The following SND1 variants were observed in gnomAD, a reference collection of about 807,000 sequenced individuals.
SND1 encodes staphylococcal nuclease domain-containing protein 1.
SND1 carries 38 observed loss-of-function variants against 121.7 expected under a neutral mutation model. The observed-to-expected ratio is 0.31, with a 90% CI of 0.24 to 0.41. SND1 has a LOEUF of 0.41. SND1 is among the 10% of genes least tolerant of loss of function. The probability of loss-of-function intolerance (pLI) is 1.00; values close to 1 mark genes in which losing one functional copy is unlikely to be tolerated. For missense variants in SND1, 868 were observed against 1,184.6 expected, an observed-to-expected ratio of 0.73 and a Z score of 3.92; for synonymous variants, 401 against 447.4, an observed-to-expected ratio of 0.90 and a Z score of 1.31.
At chr7:127,672,407 C>T (rs552297222) in intron 1 of SND1, among the ~76,000 whole-genome samples, 4 of 151,852 alleles carry the variant, frequency 2.6e-5, no homozygotes, top group East Asian at 3.9e-4. Context: ...GTCAGGAGTT[C>T]GAGACCAACC....
chr7:127,846,382 C>T (rs1359964259), intron 12 of SND1, among the ~76,000 whole-genome samples: 2 of 152,028 alleles, frequency 1.3e-5, no homozygotes, highest in Non-Finnish European at 2.9e-5. Context: ...CTGGCAGGTA[C>T]CTGGAAAGCA....
chr7:128,088,446 CTTTTTTTTTTT>C (rs1047161140), intron 21 of SND1, among the ~76,000 whole-genome samples: 1 of 80,112 alleles, frequency 1.2e-5, no homozygotes, highest in Non-Finnish European at 2.3e-5. Context: ...CCCTATCTCT[CTTTTTTTTTTT>C]TTTTTTTTTT....
At chr7:127,678,064 C>T (rs1795645549) in intron 1 of SND1, among the ~76,000 whole-genome samples, 1 of 152,162 alleles carries the variant, frequency 6.6e-6, no homozygotes, top group African/African-American at 2.4e-5. Context: ...TCTACTGGCA[C>T]ATATAAACAG....
At chr7:127,712,886 C>G (rs1048258130) in intron 9 of SND1, among the ~76,000 whole-genome samples, 1 of 152,120 alleles carries the variant, frequency 6.6e-6, no homozygotes, top group Non-Finnish European at 1.5e-5. Context: ...TGACCAGTCT[C>G]TAATAGGTTT....
chr7:127,817,274 G>C (rs1798461355), intron 11 of SND1, among the ~76,000 whole-genome samples: 2 of 152,176 alleles, frequency 1.3e-5, no homozygotes, highest in Admixed American at 1.3e-4. Context: ...ACTGATTGTG[G>C]TTATCTTTCA....
chr7:127,797,053 G>T (rs552571485), intron 10 of SND1, among the ~76,000 whole-genome samples: 1 of 151,914 alleles, frequency 6.6e-6, no homozygotes, highest in Admixed American at 6.6e-5. Context: ...CCACCATGCT[G>T]GGCTAATTTT....
chr7:128,039,966 C>T (rs1584756512), intron 16 of SND1, among the ~76,000 whole-genome samples: 1 of 152,272 alleles, frequency 6.6e-6, no homozygotes, highest in East Asian at 1.9e-4. Flanking sequence ...ATAGCACAGT[C>T]GGCGGGTACC....
At chr7:127,700,863 T>C (rs1420505876) in intron 4 of SND1, among the ~76,000 whole-genome samples, 1 of 152,230 alleles carries the variant, frequency 6.6e-6, no homozygotes, top group Non-Finnish European at 1.5e-5. Context: ...GGAGCAACTC[T>C]GAGCCACTAA....
At chr7:127,899,335 C>A (rs1250631755) in intron 13 of SND1, among the ~76,000 whole-genome samples, 1 of 151,816 alleles carries the variant, frequency 6.6e-6, no homozygotes, top group Non-Finnish European at 1.5e-5. Context: ...CACCTAGGAC[C>A]CCAGGTTAAA....
intron 15 of SND1, among the ~76,000 whole-genome samples, chr7:127,952,358 G>A (rs568973777): frequency 6.6e-6 from 1 of 152,270 alleles, no homozygotes; most frequent in Admixed American, 6.5e-5. Context: ...CTGAGAGGCT[G>A]TTCTACCTCC....
At chr7:127,984,596 G>A (rs909160544) in intron 15 of SND1, among the ~76,000 whole-genome samples, 1 of 152,160 alleles carries the variant, frequency 6.6e-6, no homozygotes, top group African/African-American at 2.4e-5. Context: ...TTTATTGAGC[G>A]TCTCCAATGC....
intron 14 of SND1, among the ~76,000 whole-genome samples, chr7:127,922,437 G>T (rs1215124697): frequency 1.3e-5 from 2 of 152,016 alleles, no homozygotes; most frequent in African/African-American, 4.8e-5. Context: ...ATAGAGATGT[G>T]TCTTCTCTTC....
intron 18 of SND1, 86 bp from the exon 19 acceptor site, chr7:128,084,637 TC>T (rs1793658468): frequency 7.0e-7 from 1 of 1,420,700 alleles, no homozygotes; most frequent in Non-Finnish European, 9.4e-7. Context: ...TACATTGAGC[TC>T]CCTCCCCAAC....
chr7:127,907,115 C>A (rs1800356873), intron 14 of SND1, among the ~76,000 whole-genome samples: 1 of 152,176 alleles, frequency 6.6e-6, no homozygotes, highest in Non-Finnish European at 1.5e-5. Flanking sequence ...AGTGAAAAAG[C>A]TGCTCGATTT....
At chr7:127,739,934 A>G (rs1443545199) in intron 10 of SND1, among the ~76,000 whole-genome samples, 1 of 152,178 alleles carries the variant, frequency 6.6e-6, no homozygotes, top group African/African-American at 2.4e-5. Flanking sequence ...ATGGTGGTAA[A>G]AGGTTGACTA....
intron 16 of SND1, among the ~76,000 whole-genome samples, chr7:128,038,021 G>A (rs1168673685): frequency 2.0e-5 from 3 of 152,182 alleles, no homozygotes; most frequent in Non-Finnish European, 4.4e-5. Context: ...GGAGATTAAG[G>A]GATACCTCCA....
intron 11 of SND1, among the ~76,000 whole-genome samples, chr7:127,818,794 A>T (rs1172976909): frequency 6.6e-6 from 1 of 152,156 alleles, no homozygotes; most frequent in Non-Finnish European, 1.5e-5. Context: ...CCATTTATTT[A>T]AAAAAGACAC....
intron 18 of SND1, 67 bp from the exon 19 acceptor site, chr7:128,084,657 G>GA (rs1330240947): frequency 1.4e-5 from 21 of 1,504,766 alleles, no homozygotes; most frequent in Non-Finnish European, 1.9e-5. Context: ...ACCACTCCCA[G>GA]AAAAACCCTG....
intron 11 of SND1, among the ~76,000 whole-genome samples, chr7:127,826,836 A>T (rs1342155313): frequency 6.6e-6 from 1 of 152,226 alleles, no homozygotes; most frequent in Non-Finnish European, 1.5e-5. Flanking sequence ...GGAGAGAGCC[A>T]GAGTCATTAA....
Sources: gnomAD v4.1 joint callset for allele counts (sites outside exome capture counted in the v4.1 genomes callset) on GRCh38, gnomAD v4.1.1 for gene constraint, MANE v1.5 for transcripts, NCBI Gene and HGNC (gene_info 2026-07-23, HGNC 2026-07-21) for gene names.